MYH15: variants seen among roughly 807,000 people sequenced by gnomAD.
MYH15 encodes the protein myosin-15.
A neutral mutation model predicts 240.5 loss-of-function variants in MYH15; 227 were observed. The observed-to-expected ratio is 0.94, with a 90% confidence interval of 0.85 to 1.05. MYH15 has a LOEUF of 1.05. MYH15 is among the 50% of genes least tolerant of loss of function. The pLI is 0.00. For synonymous variants in MYH15, 785 were observed against 796.7 expected, an observed-to-expected ratio of 0.99 and a Z score of 0.25; for missense variants, 2,217 against 2,247.5, an observed-to-expected ratio of 0.99 and a Z score of 0.27.
rs1440550641 is a variant in MYH15, at chr3:108,410,642, G to A, written c.4436C>T (p.Thr1479Ile). ...CTGGCCCACGATGCTCTCCTCATAG[G>A]TGTTCTTGAGCTTGAGGAGCTCTGT... ...LSTELLKLKN[T>I]YEESIVGQET... The change falls in exon 31 of 41, where the codon ACC becomes ATC. Residue 1479 changes from threonine (T) to isoleucine (I), a missense_variant. Thr to Ile is a moderately conservative substitution (Grantham distance 89). Transcript: ENST00000693548. The A allele has an allele frequency of 1.2e-6, 2 of 1,614,004 alleles. No homozygotes were observed. The highest frequency in any genetic ancestry group is 1.7e-6 in the Non-Finnish European group (2 of 1,179,914).
chr3:108,541,866 CAT>C, the MYH15 span, among the ~76,000 whole-genome samples: 25 of 152,194 alleles, frequency 1.6e-4, no homozygotes, highest in East Asian at 2.9e-3. Flanking sequence ...CTAAATATCA[CAT>C]AGTGAAAAAG....
Position 108,394,055 on chromosome 3 carries a change from C to T in MYH15, c.5235G>A (p.Glu1745=). The T allele has an allele frequency of 6.2e-7, 1 of 1,614,096 alleles. No individual in the cohort carries two copies. The highest frequency in any genetic ancestry group is 8.5e-7 in the Non-Finnish European group (1 of 1,179,992). The change falls in exon 36 of 41, where the codon GAG becomes GAA. Residue 1745 remains glutamate (E), a synonymous_variant. Coordinates refer to ENST00000693548, the MANE Select transcript of MYH15 (RefSeq NM_014981.3). ...CCTCAATGGCTGCCTTCTTGGCCTT[C>T]TCTTCTGCATTTTGACACTCCTGCA... is the stretch of plus-strand genomic sequence containing the variant. ...EVVQECQNAE[E]KAKKAAIEAA...
chr3:108,524,153 T>C (rs1576282747), intron 1 of MYH15, among the ~76,000 whole-genome samples: 1 of 152,010 alleles, frequency 6.6e-6, no homozygotes, highest in African/African-American at 2.4e-5. Flanking sequence ...GCAGTAACAA[T>C]TAACAATTTC....
At chr3:108,531,243 A>T (rs567595377), upstream of MYH15, among the ~76,000 whole-genome samples, 3 of 152,308 alleles carry the variant, frequency 2.0e-5, no homozygotes, top group African/African-American at 4.8e-5. Context: ...TTTAAAATTA[A>T]TGTGTATGAT....
chr3:108,507,245 A>T (rs199715604), intron 1 of MYH15, among the ~76,000 whole-genome samples: 10 of 31,534 alleles, frequency 3.2e-4, no homozygotes, highest in South Asian at 1.9e-3. Context: ...ATATATATAT[A>T]TATATATATA....
rs2082341406 is a variant in MYH15 at position 108,381,290 on chromosome 3, G to C, written c.*255C>G. The C allele has an allele frequency of 3.6e-6, 2 of 552,584 alleles. No individual in the cohort carries two copies. The highest frequency in any genetic ancestry group is 3.2e-6 in the Non-Finnish European group (1 of 310,378). The allele number at this position is 552,584 out of a possible 1,614,324, so 34.2% of individuals were successfully genotyped here. On this transcript the variant is annotated 3_prime_UTR_variant, in exon 41 of 41. Coordinates refer to ENST00000693548, the MANE Select transcript of MYH15 (RefSeq NM_014981.3). ...ATTTTTTAAACATCAGAATTGAAAA[G>C]GTTCTTCCATTTATTTAATCTGTCA...
chr3:108,484,970 A>C, intron 11 of MYH15, 121 bp downstream of exon 11: 1 of 1,068,732 alleles, frequency 9.4e-7, no homozygotes. Flanking sequence ...GAAGAACAGC[A>C]ATCAAGGGAG....
At chr3:108,471,064 G>GGAGGGAGGAAGA (rs3996014) in intron 12 of MYH15, among the ~76,000 whole-genome samples, 92,345 of 97,654 alleles carry the variant, frequency 0.95, 43,855 homozygotes, top group Non-Finnish European at 0.98. Flanking sequence ...AGGAAGGAAG[G>GGAGGGAGGAAGA]GAGGGAGGGA....
At chr3:108,510,678 AGT>A, upstream of MYH15, 1 of 1,288,546 alleles carries the variant, frequency 7.8e-7, no homozygotes, top group South Asian at 1.5e-5. Context: ...TAGACTAAAG[AGT>A]GTTAAGTTTT....
chr3:108,495,681 G>C (rs1226684897), intron 7 of MYH15, 99 bp downstream of exon 7: 1 of 719,164 alleles, frequency 1.4e-6, no homozygotes, highest in Admixed American at 3.0e-5. Flanking sequence ...GACCTTCTTT[G>C]GTGTTCTATA....
intron 9 of MYH15, among the ~76,000 whole-genome samples, chr3:108,488,626 T>A (rs2083323257): frequency 6.6e-6 from 1 of 152,296 alleles, no homozygotes; most frequent in Non-Finnish European, 1.5e-5. Flanking sequence ...CTTCTTTTTT[T>A]AAAGGCATAA....
intron 21 of MYH15, among the ~76,000 whole-genome samples, chr3:108,453,465 T>C (rs140868161): frequency 1.3e-5 from 2 of 152,336 alleles, no homozygotes; most frequent in East Asian, 3.9e-4. Flanking sequence ...TAGCTTGCTT[T>C]TCATGATTCT....
intron 5 of MYH15, among the ~76,000 whole-genome samples, chr3:108,498,485 T>C (rs2083411625): frequency 6.6e-6 from 1 of 152,122 alleles, no homozygotes; most frequent in African/African-American, 2.4e-5. Flanking sequence ...TCAAGAGATT[T>C]TCATGTATGA....
chr3:108,479,010 T>G (rs994433350), intron 11 of MYH15, among the ~76,000 whole-genome samples: 2 of 152,192 alleles, frequency 1.3e-5, no homozygotes, highest in Non-Finnish European at 2.9e-5. Flanking sequence ...ACATCACATA[T>G]GTTCTCTGTT....
At chr3:108,537,594 T>A in the MYH15 span, among the ~76,000 whole-genome samples, 10 of 152,226 alleles carry the variant, frequency 6.6e-5, no homozygotes, top group Non-Finnish European at 1.5e-4. Flanking sequence ...CAAGGCAGCA[T>A]CTTAGAAGAG....
At chr3:108,499,090 A>G (rs1422415901) in intron 5 of MYH15, among the ~76,000 whole-genome samples, 1 of 152,136 alleles carries the variant, frequency 6.6e-6, no homozygotes, top group Non-Finnish European at 1.5e-5. Context: ...TATCTGTTCC[A>G]TGGGCATACC....
chr3:108,524,581 A>AT (rs537142202), intron 1 of MYH15, among the ~76,000 whole-genome samples: 2 of 151,408 alleles, frequency 1.3e-5, no homozygotes, highest in South Asian at 2.1e-4. Context: ...ATAACTTAAC[A>AT]TTTTTTTTGG....
Position 108,441,171 on chromosome 3 carries a change from C to G in MYH15, c.2745G>C (p.Ser915=), listed in dbSNP as rs375408637. ...IQLEARVKEL[S]ERVEEEEEIN... is the part of the protein sequence containing the mutation. ...TCTCCTCTTCTTCCTCCACCCTCTCCGACAGCTCCTTTACTCTGGCCTCCA... is the reference window on the plus strand; with the variant it reads ...TCTCCTCTTCTTCCTCCACCCTCTCGGACAGCTCCTTTACTCTGGCCTCCA... The change falls in exon 23 of 41, where the codon TCG becomes TCC. Residue 915 remains serine, a synonymous_variant. Transcript: ENST00000693548. 23 of 1,614,022 alleles carry G rather than the reference C, an allele frequency of 1.4e-5. No homozygotes were observed. Among genetic ancestry groups the G allele is most frequent in the Non-Finnish European group, 1.9e-5 (23 of 1,180,002 alleles).
chr3:108,457,211 C>T (rs906912936), intron 18 of MYH15, among the ~76,000 whole-genome samples: 2 of 152,106 alleles, frequency 1.3e-5, no homozygotes, highest in African/African-American at 2.4e-5. Flanking sequence ...GGCTGCTCTA[C>T]GTTCATTTGC....
Sources: allele counts gnomAD v4.1 joint callset (sites outside exome capture counted in the v4.1 genomes callset), GRCh38; gene constraint gnomAD v4.1.1; transcripts MANE v1.5; gene names NCBI Gene and HGNC (gene_info 2026-07-23, HGNC 2026-07-21).